COG5: variants seen among roughly 807,000 people sequenced by gnomAD.
COG5 encodes the protein component of oligomeric golgi complex 5.
A neutral mutation model predicts 110.4 loss-of-function variants in COG5; 86 were observed. The ratio of observed to expected loss-of-function variants is 0.78; its 90% CI spans 0.65 to 0.93. The LOEUF (loss-of-function observed/expected upper bound fraction) is 0.93. COG5 is among the 40% of genes least tolerant of loss of function. The pLI, the probability that COG5 is intolerant of heterozygous loss-of-function variation, is 0.00. For synonymous variants in COG5, 360 were observed against 334.6 expected, an observed-to-expected ratio of 1.08 and a Z score of -0.83; for missense variants, 1,077 against 987.0, an observed-to-expected ratio of 1.09 and a Z score of -1.22.
chr7:107,427,920 C>A (rs902439880), intron 6 of COG5, among the ~76,000 whole-genome samples: 1 of 152,100 alleles, frequency 6.6e-6, no homozygotes, highest in African/African-American at 2.4e-5. Flanking sequence ...TGGTCCCCCA[C>A]TCAAAGGCGG....
intron 11 of COG5, among the ~76,000 whole-genome samples, chr7:107,312,053 T>G (rs1188389544): frequency 6.6e-6 from 1 of 152,024 alleles, no homozygotes; most frequent in Non-Finnish European, 1.5e-5. Flanking sequence ...CATCCTAGCT[T>G]CCCATCCTAT....
intron 6 of COG5, among the ~76,000 whole-genome samples, chr7:107,427,219 G>C (rs1273975857): frequency 6.6e-6 from 1 of 152,132 alleles, no homozygotes; most frequent in Non-Finnish European, 1.5e-5. Context: ...ATGAGGTAAG[G>C]AAAATAATGG....
chr7:107,388,108 C>T (rs201999449), intron 7 of COG5, among the ~76,000 whole-genome samples: 2 of 152,194 alleles, frequency 1.3e-5, no homozygotes, highest in Non-Finnish European at 2.9e-5. Context: ...TAAACAATTT[C>T]AACTTACCCA....
At chr7:107,512,598 A>G (rs1799607641) in intron 6 of COG5, among the ~76,000 whole-genome samples, 1 of 152,226 alleles carries the variant, frequency 6.6e-6, no homozygotes, top group Non-Finnish European at 1.5e-5. Flanking sequence ...AGTCAATCCT[A>G]AGCCAAAAGA....
chr7:107,513,293 A>G (rs1422692504), intron 6 of COG5, among the ~76,000 whole-genome samples: 2 of 152,178 alleles, frequency 1.3e-5, no homozygotes, highest in Admixed American at 6.5e-5. Context: ...AGACACATGA[A>G]AAAATGCTCA....
At chr7:107,408,703 C>T (rs1327374047) in intron 7 of COG5, among the ~76,000 whole-genome samples, 2 of 152,160 alleles carry the variant, frequency 1.3e-5, no homozygotes, top group Admixed American at 6.5e-5. Context: ...TAGTCCCTAG[C>T]ATTATGAGTG....
At chr7:107,493,428 C>T (rs1245589043) in intron 6 of COG5, among the ~76,000 whole-genome samples, 2 of 152,098 alleles carry the variant, frequency 1.3e-5, no homozygotes, top group Non-Finnish European at 2.9e-5. Context: ...TGAGTAAATC[C>T]ATCAATTAGA....
chr7:107,249,709 T>TGTGC (rs1554401058), intron 16 of COG5, among the ~76,000 whole-genome samples: 1,597 of 144,474 alleles, frequency 0.011, 13 homozygotes, highest in Non-Finnish European at 0.017. Context: ...TGTGTGTGTG[T>TGTGC]GTGTGTGTGT....
intron 13 of COG5, among the ~76,000 whole-genome samples, chr7:107,282,122 TAGAGTA>T (rs1408469747): frequency 3.3e-5 from 5 of 152,128 alleles, no homozygotes; most frequent in Admixed American, 2.6e-4. Flanking sequence ...CCTAAAGTAG[TAGAGTA>T]AATCTTACCA....
intron 11 of COG5, among the ~76,000 whole-genome samples, chr7:107,316,591 A>G (rs1808767226): frequency 6.7e-6 from 1 of 149,056 alleles, no homozygotes; most frequent in South Asian, 2.1e-4. Flanking sequence ...GGGCGGGCGG[A>G]TCACGAGGTC....
Position 107,491,528 on chromosome 7 carries a change from T to C in COG5, c.538+35709A>G, listed in dbSNP as rs368224513. The stretch of plus-strand genomic sequence containing the variant: ...CCTACAGCTGCCAATGAATGTTCTA[T>C]TACTTCTCCCAGGAAAAAATATGGC... On this transcript the variant is annotated intron_variant, in intron 6 of 21. Transcript: ENST00000297135. Among the ~76,000 whole-genome samples the C allele has an allele frequency of 1.2e-3, 186 of 152,278 alleles. 3 individuals carry two copies. The East Asian group carries it at 0.032, about 26-fold the overall frequency.
At chr7:107,511,401 C>G (rs895576769) in intron 6 of COG5, among the ~76,000 whole-genome samples, 4 of 152,162 alleles carry the variant, frequency 2.6e-5, no homozygotes, top group African/African-American at 9.6e-5. Flanking sequence ...TGGCAATAAT[C>G]AATAGCTTAC....
intron 10 of COG5, among the ~76,000 whole-genome samples, chr7:107,360,518 C>A (rs2129045506): frequency 6.6e-6 from 1 of 152,270 alleles, no homozygotes; most frequent in Non-Finnish European, 1.5e-5. Flanking sequence ...CTAGATGCAC[C>A]CCGAGCCAGG....
chr7:107,558,330 G>A (rs1803483833), intron 1 of COG5, among the ~76,000 whole-genome samples: 1 of 152,220 alleles, frequency 6.6e-6, no homozygotes, highest in African/African-American at 2.4e-5. Context: ...AGGCACACTG[G>A]CTCATGCCTG....
chr7:107,454,181 A>G (rs1177415364), intron 6 of COG5, among the ~76,000 whole-genome samples: 1 of 152,218 alleles, frequency 6.6e-6, no homozygotes, highest in East Asian at 1.9e-4. Flanking sequence ...ACAGAATCCA[A>G]TATGATGAAA....
intron 5 of COG5, among the ~76,000 whole-genome samples, chr7:107,534,021 TAAAGA>T (rs1445668506): frequency 6.6e-6 from 1 of 151,552 alleles, no homozygotes; most frequent in Non-Finnish European, 1.5e-5. Flanking sequence ...TTAACATTCT[TAAAGA>T]AAAGAATTTT....
At chr7:107,530,612 A>C (rs1163951801) in intron 5 of COG5, among the ~76,000 whole-genome samples, 1 of 150,966 alleles carries the variant, frequency 6.6e-6, no homozygotes, top group Non-Finnish European at 1.5e-5. Flanking sequence ...AAAAAAAAAA[A>C]AAAAAAAAAA....
At position 107,203,566 on chromosome 7, in the gene COG5, A is replaced by G; in HGVS notation, c.2440T>C (p.Tyr814His). The G allele has an allele frequency of 1.2e-6, 2 of 1,614,124 alleles. No individual in the cohort carries two copies. Among genetic ancestry groups the G allele is most frequent in the Non-Finnish European group, 1.7e-6 (2 of 1,179,996 alleles). Reference sequence around the variant, plus strand: ...TGAAGCAGCTGAACCATTATGGGATAAACTGGTGCAAATTCTTTGCCTTCT... The same window carrying G: ...TGAAGCAGCTGAACCATTATGGGATGAACTGGTGCAAATTCTTTGCCTTCT... ...SREGKEFAPV[Y>H]PIMVQLLQKA... Residue 814 changes from tyrosine (Y) to histidine (H), a missense_variant, in exon 22 of 22, where the codon TAT (tyrosine) becomes CAT (histidine). Transcript: ENST00000297135.
intron 6 of COG5, among the ~76,000 whole-genome samples, chr7:107,413,904 G>A (rs930009815): frequency 2.6e-5 from 4 of 152,148 alleles, no homozygotes; most frequent in Admixed American, 1.3e-4. Context: ...ACTAAAATCC[G>A]AAGAATCTAA....
Sources: gnomAD v4.1 joint callset for allele counts (sites outside exome capture counted in the v4.1 genomes callset) on GRCh38, gnomAD v4.1.1 for gene constraint, MANE v1.5 for transcripts, NCBI Gene and HGNC (gene_info 2026-07-23, HGNC 2026-07-21) for gene names.